Variants in NTNG1 observed in about 807,000 individuals in gnomAD.
NTNG1 encodes the protein netrin G1.
A neutral mutation model predicts 54.0 loss-of-function variants in NTNG1; 16 were observed. The observed-to-expected ratio is 0.30, with a 90% CI of 0.20 to 0.45. The LOEUF is 0.45. NTNG1 is among the 20% of genes least tolerant of loss of function. The probability of loss-of-function intolerance (pLI) is 1.00; values close to 1 mark genes in which losing one functional copy is unlikely to be tolerated. For missense variants in NTNG1, 530 were observed against 678.7 expected, an observed-to-expected ratio of 0.78 and a Z score of 2.43; for synonymous variants, 255 against 263.1, an observed-to-expected ratio of 0.97 and a Z score of 0.30.
intron 3 of NTNG1, among the ~76,000 whole-genome samples, chr1:107,370,239 T>C (rs1442583844): frequency 4.2e-5 from 6 of 141,764 alleles, no homozygotes; most frequent in Middle Eastern, 3.6e-3. Flanking sequence ...TGTCAATTTC[T>C]TAAAAAAAAA....
At chr1:107,389,870 G>A (rs1672258426) in intron 3 of NTNG1, among the ~76,000 whole-genome samples, 2 of 152,158 alleles carry the variant, frequency 1.3e-5, no homozygotes, top group Admixed American at 6.5e-5. Context: ...AAAGCGACAG[G>A]ATAAATAGAC....
intron 7 of NTNG1, chr1:107,460,467 T>C (rs1204345165): frequency 1.9e-6 from 1 of 515,266 alleles, no homozygotes. Flanking sequence ...AATCCAATAG[T>C]TTTCTATTTA....
intron 2 of NTNG1, among the ~76,000 whole-genome samples, chr1:107,246,175 C>T (rs1242607077): frequency 6.6e-6 from 1 of 152,120 alleles, no homozygotes; most frequent in Non-Finnish European, 1.5e-5. Context: ...CCTCAGCCTC[C>T]TGAGTAGCTG....
At position 107,324,500 on chromosome 1, in the gene NTNG1, G is replaced by C. The variant is rs764524493; in HGVS notation, c.465G>C (p.Gly155=). ...TDNIVITFES[G]RPDQMILEKS... is the part of the protein sequence containing the mutation. ...ACATAGTTATTACCTTTGAATCTGG[G>C]CGTCCAGACCAAATGATCCTGGAGA... The change falls in exon 3 of 8, where the codon GGG becomes GGC. Residue 155 remains glycine (G), a synonymous_variant. Coordinates refer to ENST00000370068, the MANE Select transcript of NTNG1 (RefSeq NM_001113226.3). 18 of 1,613,608 alleles carry C rather than the reference G, an allele frequency of 1.1e-5. No individual in the cohort carries two copies. In the African/African-American group the frequency reaches 1.3e-4, roughly 12 times the overall value.
In NTNG1 at chr1:107,222,478, G is replaced by A. The variant is rs1660408950; in HGVS notation, c.246+73639G>A. On this transcript the variant is annotated intron_variant, in intron 2 of 7. Coordinates refer to ENST00000370068, the MANE Select transcript of NTNG1 (RefSeq NM_001113226.3). Reference sequence around the variant, plus strand: ...GGGTTGGTGTGAGGAATGAAATGTGGTAGCATAGGCAAAGTTTAGCAGAGT... The same window carrying A: ...GGGTTGGTGTGAGGAATGAAATGTGATAGCATAGGCAAAGTTTAGCAGAGT... 2.6e-5 allele frequency among the ~76,000 whole-genome samples: 4 copies of A among 152,232 alleles called. No individual in the cohort carries two copies. In the South Asian group the frequency reaches 8.3e-4, roughly 32 times the overall value.
intron 2 of NTNG1, among the ~76,000 whole-genome samples, chr1:107,309,554 A>G (rs1159393260): frequency 6.6e-6 from 1 of 152,220 alleles, no homozygotes; most frequent in Admixed American, 6.5e-5. Context: ...TGAAGGATAC[A>G]AAAATGAATA....
intron 7 of NTNG1, among the ~76,000 whole-genome samples, chr1:107,438,873 T>C (rs1303426215): frequency 6.6e-6 from 1 of 152,210 alleles, no homozygotes; most frequent in African/African-American, 2.4e-5. Context: ...CACATACAAA[T>C]CATAAAACCC....
At chr1:107,384,680 A>G (rs1418909264) in intron 3 of NTNG1, among the ~76,000 whole-genome samples, 3 of 152,222 alleles carry the variant, frequency 2.0e-5, no homozygotes, top group Admixed American at 2.0e-4. Context: ...TTGTGAAAGA[A>G]TGAGCTCAAG....
intron 2 of NTNG1, among the ~76,000 whole-genome samples, chr1:107,174,066 T>C (rs1164448045): frequency 6.6e-6 from 1 of 152,170 alleles, no homozygotes; most frequent in African/African-American, 2.4e-5. Context: ...GAGGTTTCAG[T>C]CTTCTAAACA....
At chr1:107,315,991 T>C (rs1406340271) in intron 2 of NTNG1, among the ~76,000 whole-genome samples, 3 of 152,302 alleles carry the variant, frequency 2.0e-5, no homozygotes, top group East Asian at 1.9e-4. Flanking sequence ...AGTTCACTTC[T>C]TTTTTCAGGA....
At chr1:107,366,835 C>T (rs1236573874) in intron 3 of NTNG1, among the ~76,000 whole-genome samples, 1 of 152,134 alleles carries the variant, frequency 6.6e-6, no homozygotes, top group African/African-American at 2.4e-5. Flanking sequence ...TGTTTCAGTT[C>T]ATTTCGTTCA....
Position 107,429,908 on chromosome 1 carries a change from T to G in NTNG1, c.1088-842T>G, listed in dbSNP as rs533710289. On this transcript the variant is annotated intron_variant, in intron 5 of 7. Coordinates refer to ENST00000370068, the MANE Select transcript of NTNG1 (RefSeq NM_001113226.3). ...TCCCCAACTACTCTCATGCTCTTCT[T>G]CATCTCCCTGTCTAGTCATTACCAC... 8.5e-5 allele frequency among the ~76,000 whole-genome samples: 13 copies of G among 152,244 alleles called. No homozygotes were observed. The South Asian group carries it at 2.7e-3, about 32-fold the overall frequency.
chr1:107,434,195 T>C (rs1675455361), intron 6 of NTNG1, among the ~76,000 whole-genome samples: 2 of 152,172 alleles, frequency 1.3e-5, no homozygotes, highest in Admixed American at 1.3e-4. Context: ...ACAACTCATA[T>C]CTTTGACAAA....
intron 3 of NTNG1, among the ~76,000 whole-genome samples, chr1:107,394,604 A>G (rs1302669355): frequency 6.6e-6 from 1 of 152,158 alleles, no homozygotes; most frequent in Non-Finnish European, 1.5e-5. Context: ...TGATCTGAGG[A>G]AATGTCATTT....
intron 3 of NTNG1, among the ~76,000 whole-genome samples, chr1:107,363,660 T>C (rs1670417390): frequency 2.0e-5 from 3 of 152,194 alleles, no homozygotes; most frequent in Admixed American, 1.3e-4. Flanking sequence ...GGATCCTCTC[T>C]TGCCAGTTAT....
rs45569249 is a variant in NTNG1, at chr1:107,408,449, G to A, written c.1087+741G>A. ...GAATCCAAGCAATTGAAGAGAAACCGCTCTTCAACCATCTGTAGAACACTT... is the reference window on the plus strand; with the variant it reads ...GAATCCAAGCAATTGAAGAGAAACCACTCTTCAACCATCTGTAGAACACTT... On this transcript the variant is annotated intron_variant, in intron 5 of 7. Transcript: ENST00000370068. The A allele has an allele frequency of 6.9e-3, 1,051 of 152,524 alleles. 6 individuals carry two copies. The highest frequency in any genetic ancestry group is 0.017 in the South Asian group (84 of 4,814). 9.4% of individuals were successfully genotyped at this position (152,524 alleles called of 1,614,324 possible).
rs1037161385 is a variant in NTNG1, at chr1:107,483,208, C to T, written c.*2368C>T. Reference sequence around the variant, plus strand: ...TATTTCTGGCAAAGATGCACTTTATCGTTATCTGCTCATGGCTTTGTCGCA... The same window carrying T: ...TATTTCTGGCAAAGATGCACTTTATTGTTATCTGCTCATGGCTTTGTCGCA... On this transcript the variant is annotated 3_prime_UTR_variant, in exon 8 of 8. Transcript: ENST00000370068. 6.6e-6 allele frequency: 1 copy of T among 152,172 alleles called. No individual in the cohort carries two copies. The highest frequency in any genetic ancestry group is 6.5e-5 in the Admixed American group (1 of 15,276). 9.4% of individuals were successfully genotyped at this position (152,172 alleles called of 1,614,324 possible). A position where few individuals can be genotyped will look rare whatever the true frequency, so the allele number is the denominator to read the frequency against.
intron 2 of NTNG1, among the ~76,000 whole-genome samples, chr1:107,257,848 C>T (rs1663028264): frequency 1.3e-5 from 2 of 152,200 alleles, no homozygotes; most frequent in African/African-American, 4.8e-5. Context: ...CTTCCAATGA[C>T]CTCAGCAATG....
At chr1:107,308,381 T>C (rs1666810176) in intron 2 of NTNG1, among the ~76,000 whole-genome samples, 1 of 152,222 alleles carries the variant, frequency 6.6e-6, no homozygotes, top group Non-Finnish European at 1.5e-5. Context: ...GCTAGCCAGT[T>C]ATGCCAGCAC....
Sources: allele counts gnomAD v4.1 joint callset (sites outside exome capture counted in the v4.1 genomes callset), GRCh38; gene constraint gnomAD v4.1.1; transcripts MANE v1.5; gene names NCBI Gene and HGNC (gene_info 2026-07-23, HGNC 2026-07-21).